RAD51B: variants seen among roughly 807,000 people sequenced by gnomAD.
RAD51B encodes the protein RAD51 paralog B.
In RAD51B, 38 loss-of-function variants were observed where a neutral mutation model predicts 42.2. That is an observed-to-expected ratio of 0.90 (90% CI 0.70 to 1.18). The LOEUF (loss-of-function observed/expected upper bound fraction) is 1.18, where lower values mean the gene tolerates loss of function less well. Among genes scored for constraint, RAD51B ranks in the 50% most tolerant of loss-of-function variants. The pLI is 0.00. For missense variants in RAD51B, 373 were observed against 400.7 expected (o/e 0.93, Z 0.59); for synonymous variants, 154 against 145.2 (o/e 1.06, Z -0.43).
At chr14:68,411,302 G>C in intron 8 of RAD51B, 122 bp from the exon 9 acceptor site, 1 of 758,116 alleles carries the variant, frequency 1.3e-6, no homozygotes, top group East Asian at 2.7e-5. Context: ...CAAGTTCTGT[G>C]GTAATGAACT....
In RAD51B at chr14:68,576,881, C is replaced by T. The variant is rs140760730; in HGVS notation, c.1037-17604C>T. 5.4e-3 allele frequency among the ~76,000 whole-genome samples: 821 copies of T among 152,156 alleles called. 7 individuals are homozygous for T. Among genetic ancestry groups the T allele is most frequent in the African/African-American group, 0.018 (764 of 41,508 alleles). On this transcript the variant is annotated intron_variant, in intron 10 of 10. Coordinates refer to the RAD51B transcript ENST00000487270. ...ATCTTCTACAGCAGGTCCTGGTGTG[C>T]AAGTATTTCAAGATCAAGATAAAAT...
chr14:68,032,919 CAT>C (rs1484022873), intron 7 of RAD51B, among the ~76,000 whole-genome samples: 2 of 152,170 alleles, frequency 1.3e-5, no homozygotes, highest in African/African-American at 4.8e-5. Flanking sequence ...AGCTTTTCCA[CAT>C]AGTGTTCCTC....
rs920591699 is a variant in RAD51B, at chr14:68,477,840, C to T, written c.*176C>T. On this transcript the variant is annotated 3_prime_UTR_variant, in exon 11 of 11. Coordinates refer to ENST00000471583, the MANE Select transcript of RAD51B (RefSeq NM_133510.4). ...ATTGAGCTAGCGATTTCAGACCTAG[C>T]AGGGAAGGTGAAGATGAAGAAGCCT... 6 of 1,437,142 alleles carry T rather than the reference C, an allele frequency of 4.2e-6. No individual in the cohort carries two copies. The highest frequency in any genetic ancestry group is 1.8e-4 in the Middle Eastern group (1 of 5,490). The allele number at this position is 1,437,142 out of a possible 1,614,324, so 89.0% of individuals were successfully genotyped here.
At chr14:68,666,017 G>A (rs559805683) in intron 11 of RAD51B, among the ~76,000 whole-genome samples, 2 of 152,218 alleles carry the variant, frequency 1.3e-5, no homozygotes, top group South Asian at 4.2e-4. Context: ...CTTCTGGGAA[G>A]GGGACTCACT....
chr14:68,575,703 C>T (rs997271425), intron 10 of RAD51B, among the ~76,000 whole-genome samples: 2 of 152,364 alleles, frequency 1.3e-5, no homozygotes, highest in South Asian at 4.1e-4. Flanking sequence ...GCAGCAGTCC[C>T]TGCACCCAGG....
chr14:68,287,721 C>G (rs781600181), intron 7 of RAD51B, among the ~76,000 whole-genome samples: 27 of 152,080 alleles, frequency 1.8e-4, no homozygotes, highest in Admixed American at 2.6e-4. Flanking sequence ...TCAGTAGTGG[C>G]CTATATGCTG....
At chr14:68,326,703 T>C (rs1254814041) in intron 8 of RAD51B, among the ~76,000 whole-genome samples, 1 of 152,198 alleles carries the variant, frequency 6.6e-6, no homozygotes, top group Non-Finnish European at 1.5e-5. Flanking sequence ...ACTAGAACTT[T>C]TTCTATAACC....
chr14:68,224,374 G>A (rs965954441), intron 7 of RAD51B, among the ~76,000 whole-genome samples: 1 of 152,100 alleles, frequency 6.6e-6, no homozygotes, highest in Non-Finnish European at 1.5e-5. Flanking sequence ...TGGCCCATTA[G>A]CTGTGTAAGT....
exon 11 of RAD51B, chr14:68,595,779 A>G (rs949021121): frequency 9.0e-5 from 37 of 413,060 alleles, no homozygotes; most frequent in Non-Finnish European, 1.2e-4. Flanking sequence ...TGTTCACACC[A>G]TATTATTAAA....
At position 67,971,004 on chromosome 14, in the gene RAD51B, G is replaced by C. The variant is rs1365684566; in HGVS notation, c.756+83800G>C. 2.6e-5 allele frequency among the ~76,000 whole-genome samples: 4 copies of C among 151,924 alleles called. No individual in the cohort carries two copies. In the East Asian group the frequency reaches 7.7e-4, roughly 29 times the overall value. On this transcript the variant is annotated intron_variant, in intron 7 of 10. Coordinates refer to ENST00000471583, the MANE Select transcript of RAD51B (RefSeq NM_133510.4). ...ATTTTCTACATCTGTGGACTATTCT[G>C]TTATGACATAAAAGCTATTAAAGAT...
intron 10 of RAD51B, among the ~76,000 whole-genome samples, chr14:68,509,558 G>T (rs1885578179): frequency 6.6e-6 from 1 of 152,236 alleles, no homozygotes; most frequent in Admixed American, 6.5e-5. Flanking sequence ...CTTTCCTGAA[G>T]AATGATGTTT....
intron 10 of RAD51B, among the ~76,000 whole-genome samples, chr14:68,537,508 A>AG (rs1179111037): frequency 6.6e-6 from 1 of 151,886 alleles, no homozygotes; most frequent in African/African-American, 2.4e-5. Context: ...CAAAAAAAAA[A>AG]AAGGAGCCAT....
chr14:68,655,821 G>A (rs1279205229), intron 11 of RAD51B, among the ~76,000 whole-genome samples: 3 of 152,192 alleles, frequency 2.0e-5, no homozygotes, highest in Admixed American at 6.5e-5. Context: ...ACAGATCGGC[G>A]GGGTCTTTTC....
At chr14:68,384,075 C>T (rs2083539059) in intron 8 of RAD51B, among the ~76,000 whole-genome samples, 1 of 152,184 alleles carries the variant, frequency 6.6e-6, no homozygotes. Context: ...ATTTGTTCTG[C>T]TGAGTAATTC....
At chr14:67,971,555 G>A (rs562474563) in intron 7 of RAD51B, among the ~76,000 whole-genome samples, 1 of 152,148 alleles carries the variant, frequency 6.6e-6, no homozygotes, top group East Asian at 1.9e-4. Flanking sequence ...AATAAAGACA[G>A]TTTAATAGTA....
chr14:68,529,344 G>A (rs533694203), intron 10 of RAD51B, among the ~76,000 whole-genome samples: 47 of 152,304 alleles, frequency 3.1e-4, no homozygotes, highest in South Asian at 1.0e-3. Context: ...CTACAGGCGC[G>A]TGCCACCACG....
At chr14:68,481,240 G>A (rs1883155495), downstream of RAD51B, among the ~76,000 whole-genome samples, 1 of 151,746 alleles carries the variant, frequency 6.6e-6, no homozygotes, top group African/African-American at 2.4e-5. Context: ...TCTGTTCTCT[G>A]CAACTCCTAA....
chr14:67,876,434 A>G (rs2042729909), intron 5 of RAD51B, among the ~76,000 whole-genome samples: 2 of 152,184 alleles, frequency 1.3e-5, no homozygotes, highest in South Asian at 4.1e-4. Context: ...TTTGCTCCTT[A>G]ATTGACATAT....
At chr14:67,912,999 C>T (rs895338240) in intron 7 of RAD51B, among the ~76,000 whole-genome samples, 7 of 152,228 alleles carry the variant, frequency 4.6e-5, no homozygotes, top group East Asian at 3.9e-4. Context: ...CCACTGCACC[C>T]GGCCTTACTT....
Sources: gnomAD v4.1 joint callset for allele counts (sites outside exome capture counted in the v4.1 genomes callset) on GRCh38, gnomAD v4.1.1 for gene constraint, MANE v1.5 for transcripts, NCBI Gene and HGNC (gene_info 2026-07-23, HGNC 2026-07-21) for gene names.